LTBP1: variants seen among roughly 807,000 people sequenced by gnomAD.
The protein encoded by LTBP1 is latent transforming growth factor beta binding protein 1.
LTBP1 carries 129 observed loss-of-function variants against 207.6 expected under a neutral mutation model. The ratio of observed to expected loss-of-function variants is 0.62; its 90% CI spans 0.54 to 0.72. The LOEUF (loss-of-function observed/expected upper bound fraction) is 0.72, where lower values mean the gene tolerates loss of function less well. Ranked by LOEUF, LTBP1 falls within the 30% of genes least tolerant of loss-of-function variation. The pLI, the probability that LTBP1 is intolerant of heterozygous loss-of-function variation, is 0.00. For missense variants in LTBP1, 2,281 were observed against 2,217.2 expected (o/e 1.03, Z -0.58); for synonymous variants, 963 against 833.7 (o/e 1.16, Z -2.67).
chr2:33,385,644 T>G (rs1399997545), intron 31 of LTBP1, among the ~76,000 whole-genome samples: 1 of 152,188 alleles, frequency 6.6e-6, no homozygotes, highest in Non-Finnish European at 1.5e-5. Flanking sequence ...AGTGGTGCAG[T>G]CAGGACTTGA....
chr2:33,325,544 A>G (rs530233840), intron 24 of LTBP1, among the ~76,000 whole-genome samples: 40 of 152,368 alleles, frequency 2.6e-4, no homozygotes, highest in Admixed American at 5.2e-4. Flanking sequence ...AATCCCAGAT[A>G]TAAATACGTA....
chr2:33,106,778 A>G (rs2080090256), intron 3 of LTBP1, among the ~76,000 whole-genome samples: 1 of 152,200 alleles, frequency 6.6e-6, no homozygotes, highest in Non-Finnish European at 1.5e-5. Context: ...GGAATGGTAA[A>G]TGAGCATTGG....
intron 26 of LTBP1, among the ~76,000 whole-genome samples, chr2:33,360,087 A>G (rs2094909658): frequency 6.6e-6 from 1 of 152,184 alleles, no homozygotes; most frequent in Admixed American, 6.5e-5. Flanking sequence ...ATGAAAGGTT[A>G]TTTAATAGGC....
chr2:32,997,243 G>C (rs546536428), intron 2 of LTBP1, among the ~76,000 whole-genome samples: 1 of 152,202 alleles, frequency 6.6e-6, no homozygotes, highest in Admixed American at 6.5e-5. Context: ...AGGTGTGTTG[G>C]CTCACTTCTG....
intron 3 of LTBP1, among the ~76,000 whole-genome samples, chr2:33,045,552 C>T (rs1275253081): frequency 6.6e-6 from 1 of 152,146 alleles, no homozygotes; most frequent in East Asian, 1.9e-4. Context: ...AGCATGATGC[C>T]TCCAGCTTTG....
At chr2:33,142,881 G>A (rs2045128) in intron 5 of LTBP1, among the ~76,000 whole-genome samples, 129,706 of 152,156 alleles carry the variant, frequency 0.85, 55,416 homozygotes, top group East Asian at 1. Context: ...AATTCCTTGG[G>A]GTCTGTAACA....
At chr2:33,318,384 C>T (rs1471623683) in intron 24 of LTBP1, among the ~76,000 whole-genome samples, 1 of 152,174 alleles carries the variant, frequency 6.6e-6, no homozygotes, top group Non-Finnish European at 1.5e-5. Flanking sequence ...GAGTTCCTAT[C>T]TGGTTCCAGG....
chr2:33,241,119 A>G (rs1272113701), intron 9 of LTBP1, among the ~76,000 whole-genome samples: 1 of 152,194 alleles, frequency 6.6e-6, no homozygotes, highest in Non-Finnish European at 1.5e-5. Context: ...AAAAAAATAG[A>G]TGAACCAAGG....
At chr2:33,081,786 G>A (rs72793739) in intron 3 of LTBP1, among the ~76,000 whole-genome samples, 24,908 of 151,914 alleles carry the variant, frequency 0.16, 2,352 homozygotes, top group East Asian at 0.34. Context: ...TCATGGGGGC[G>A]GTTACCCTCA....
chr2:33,021,225 C>G lies in LTBP1; in HGVS notation c.863+19C>G, dbSNP rs1250445694. 5 of 1,564,652 alleles carry G rather than the reference C, an allele frequency of 3.2e-6. No homozygotes were observed. In the African/African-American group the frequency reaches 4.0e-5, roughly 13 times the overall value. ...ATTCTCAGTGAGTGTTTCGAACTTT[C>G]ATTTAGCTAAGGATCATCTTAATTA... On this transcript the variant is annotated intron_variant, in intron 3 of 33. Transcript: ENST00000404816.
At chr2:33,172,604 A>T (rs1014685155) in intron 5 of LTBP1, among the ~76,000 whole-genome samples, 21 of 152,178 alleles carry the variant, frequency 1.4e-4, no homozygotes, top group African/African-American at 5.1e-4. Context: ...GCGAGACAGA[A>T]AGTTAACAAG....
At position 33,266,180 on chromosome 2, in the gene LTBP1, A is replaced by G. The variant is rs117908859; in HGVS notation, c.2617+2788A>G. Among the ~76,000 whole-genome samples, 149 of 152,344 alleles carry G rather than the reference A, an allele frequency of 9.8e-4. 1 individual carries two copies. In the East Asian group the frequency reaches 0.021, roughly 21 times the overall value. On this transcript the variant is annotated intron_variant, in intron 15 of 33. Coordinates refer to ENST00000404816, the MANE Select transcript of LTBP1 (RefSeq NM_206943.4). ...CCAGGGTGGAGCAAAGTTGTGGCCA[A>G]GCCCAAGTGCTATTGCAACCCAGCC...
chr2:33,253,768 G>A (rs1483165035), intron 11 of LTBP1, among the ~76,000 whole-genome samples: 1 of 151,498 alleles, frequency 6.6e-6, no homozygotes, highest in East Asian at 1.9e-4. Flanking sequence ...AAAGAACTGT[G>A]TTAAGGCAAA....
chr2:33,133,343 G>A (rs1308332491), intron 4 of LTBP1, among the ~76,000 whole-genome samples: 1 of 152,088 alleles, frequency 6.6e-6, no homozygotes, highest in African/African-American at 2.4e-5. Context: ...AAAAAGGCTG[G>A]CCCAGAGCCT....
At chr2:32,965,135 G>A (rs982578086) in intron 2 of LTBP1, among the ~76,000 whole-genome samples, 2 of 152,124 alleles carry the variant, frequency 1.3e-5, no homozygotes, top group Non-Finnish European at 1.5e-5. Flanking sequence ...ACAGATTAAA[G>A]CAATAGCTCC....
chr2:33,199,351 G>A (rs533486033), intron 7 of LTBP1, among the ~76,000 whole-genome samples: 59 of 152,180 alleles, frequency 3.9e-4, no homozygotes, highest in African/African-American at 9.4e-4. Context: ...GGTGTGGTGT[G>A]GTGCTGAAAA....
intron 3 of LTBP1, among the ~76,000 whole-genome samples, chr2:33,038,566 A>G (rs2149382979): frequency 6.6e-6 from 1 of 152,280 alleles, no homozygotes; most frequent in Non-Finnish European, 1.5e-5. Context: ...GCCATATTTT[A>G]TATTTTGTCC....
At chr2:32,963,370 A>ATTTT (rs35409873) in intron 2 of LTBP1, among the ~76,000 whole-genome samples, 69 of 146,540 alleles carry the variant, frequency 4.7e-4, no homozygotes, top group East Asian at 1.8e-3. Flanking sequence ...ATGCCCAGCT[A>ATTTT]TTTTTTTTTT....
In LTBP1 at chr2:33,249,870, G is replaced by C. The variant is rs186889032; in HGVS notation, c.2000-2807G>C. On this transcript the variant is annotated intron_variant, in intron 10 of 33. Coordinates refer to ENST00000404816, the MANE Select transcript of LTBP1 (RefSeq NM_206943.4). ...CTCCTCAGTTTTATTCGATTCTACA[G>C]CTGCTTCCCCTATCCCTTAGAAATC... is the stretch of plus-strand genomic sequence containing the variant. Among the ~76,000 whole-genome samples, 15 of 152,292 alleles carry C rather than the reference G, an allele frequency of 9.8e-5. No individual in the cohort carries two copies. In the East Asian group the frequency reaches 2.9e-3, roughly 29 times the overall value.
Sources: gnomAD v4.1 joint callset for allele counts (sites outside exome capture counted in the v4.1 genomes callset) on GRCh38, gnomAD v4.1.1 for gene constraint, MANE v1.5 for transcripts, NCBI Gene and HGNC (gene_info 2026-07-23, HGNC 2026-07-21) for gene names.